The following ADAMTSL2 variants were observed in gnomAD, a reference collection of about 807,000 sequenced individuals.
The protein encoded by ADAMTSL2 is ADAMTS-like protein 2.
Under a neutral mutation model 117.0 loss-of-function variants are expected in ADAMTSL2, and 55 were observed. The observed-to-expected ratio is 0.47, with a 90% CI of 0.38 to 0.59. The LOEUF (loss-of-function observed/expected upper bound fraction) is 0.59. Among genes scored for constraint, ADAMTSL2 ranks in the 20% least tolerant of loss-of-function variants. The pLI, the probability that ADAMTSL2 is intolerant of heterozygous loss-of-function variation, is 0.00. For synonymous variants in ADAMTSL2, 572 were observed against 566.4 expected, an observed-to-expected ratio of 1.01 and a Z score of -0.14; for missense variants, 1,182 against 1,354.5, an observed-to-expected ratio of 0.87 and a Z score of 2.00.
Position 133,574,851 on chromosome 9 carries a change from C to T in ADAMTSL2, c.2843C>T (p.Pro948Leu), listed in dbSNP as rs1196078573. ...AAGGCGTGCTGCCGCTCCTGCAGGCCCCCCCACTCCTAGGCCCGGCAGCTG... is the reference window on the plus strand; with the variant it reads ...AAGGCGTGCTGCCGCTCCTGCAGGCTCCCCCACTCCTAGGCCCGGCAGCTG... Reference protein sequence around the residue: ...YSKACCRSCRPPHS With the variant: ...YSKACCRSCRLPHS The change falls in exon 19 of 19, where the codon CCC becomes CTC. Residue 948 changes from proline (P) to leucine (L), a missense_variant. By Grantham distance (98) the Pro-to-Leu change is moderately conservative. Around this residue, in one of 3 missense-constraint regions of ADAMTSL2, gnomAD observed 465 missense variants for 565.3 expected, o/e 0.82. Transcript: ENST00000651351. 5.0e-6 allele frequency: 8 copies of T among 1,592,878 alleles called. No homozygotes were observed. The highest frequency in any genetic ancestry group is 2.3e-5 in the East Asian group (1 of 43,566).
At chr9:133,570,572 C>G (rs1202151786) in intron 17 of ADAMTSL2, 65 bp downstream of exon 17, 1 of 1,538,474 alleles carries the variant, frequency 6.5e-7, no homozygotes, top group Non-Finnish European at 8.8e-7. Flanking sequence ...TCCCGCCCCT[C>G]CCGCCTCAAG....
At chr9:133,574,403 G>A (rs1440575567) in intron 18 of ADAMTSL2, among the ~76,000 whole-genome samples, 1 of 152,182 alleles carries the variant, frequency 6.6e-6, no homozygotes. Context: ...AGGGTGCCAG[G>A]TGCAGGGCAC....
Position 133,573,964 on chromosome 9 carries a change from A to G in ADAMTSL2, c.2714A>G (p.Gln905Arg), listed in dbSNP as rs1238074560. Residue 905 changes from glutamine (Q) to arginine (R), a missense_variant, in exon 18 of 19, where the codon CAG becomes CGG. Gln to Arg is a conservative substitution (Grantham distance 43). Coordinates refer to ENST00000651351, the MANE Select transcript of ADAMTSL2 (RefSeq NM_014694.4). ...GTTGGCAGACAGGCCTGTGATCTGC[A>G]GCCCTGCCCCACGGAGCCCCCAGGT... Reference protein sequence around the residue: ...KPVGRQACDLQPCPTEPPDDS... With the variant: ...KPVGRQACDLRPCPTEPPDDS... The G allele has an allele frequency of 6.2e-6, 10 of 1,613,660 alleles. No homozygotes were observed. The highest frequency in any genetic ancestry group is 7.6e-6 in the Non-Finnish European group (9 of 1,179,970).
rs551018472 is a variant in ADAMTSL2 at position 133,535,755 on chromosome 9, C to T, written c.-150-808C>T. Among the ~76,000 whole-genome samples, 30 of 152,232 alleles carry T rather than the reference C, an allele frequency of 2.0e-4. No homozygotes were observed. In the East Asian group the frequency reaches 4.3e-3, roughly 22 times the overall value. On this transcript the variant is annotated intron_variant, in intron 1 of 18. Transcript: ENST00000651351. ...GGTTTCTGAAATCCCTTCTCTAACT[C>T]GCTGGCAAGTGACCCTCAGCACCTG...
intron 11 of ADAMTSL2, among the ~76,000 whole-genome samples, chr9:133,559,853 C>T (rs1830687957): frequency 6.6e-6 from 1 of 152,168 alleles, no homozygotes; most frequent in African/African-American, 2.4e-5. Context: ...CCCTTCACTC[C>T]TCTTCTCCCT....
chr9:133,532,365 T>G (rs1829963436), upstream of ADAMTSL2: 1 of 152,170 alleles, frequency 6.6e-6, no homozygotes, highest in East Asian at 1.9e-4. Flanking sequence ...CCCAGCTAAT[T>G]TTTGTATTTT....
intron 9 of ADAMTSL2, among the ~76,000 whole-genome samples, chr9:133,552,349 C>G (rs1201066133): frequency 1.3e-5 from 2 of 152,160 alleles, no homozygotes; most frequent in African/African-American, 4.8e-5. Flanking sequence ...CTCTGCTCCT[C>G]TGGAAGACAG....
Position 133,574,946 on chromosome 9 carries a change from C to G in ADAMTSL2, c.*82C>G. On this transcript the variant is annotated 3_prime_UTR_variant, in exon 19 of 19. Transcript: ENST00000651351. ...GCAGCTTCTGGGGCCTCCACAGACC[C>G]CCCTCCTGCGGGGCACGCTGGCCTA... The G allele has an allele frequency of 8.9e-7, 1 of 1,127,316 alleles. No individual in the cohort carries two copies. The highest frequency in any genetic ancestry group is 1.3e-6 in the Non-Finnish European group (1 of 744,112). The allele number at this position is 1,127,316 out of a possible 1,614,324, so 69.8% of individuals were successfully genotyped here.
At chr9:133,547,453 A>G (rs370596696) in intron 9 of ADAMTSL2, among the ~76,000 whole-genome samples, 14 of 152,318 alleles carry the variant, frequency 9.2e-5, no homozygotes, top group African/African-American at 3.4e-4. Context: ...GTTCATTTCC[A>G]GTCTCCCATT....
At position 133,557,600 on chromosome 9, in the gene ADAMTSL2, C is replaced by T. The variant is rs971438873; in HGVS notation, c.1649+1670C>T. Among the ~76,000 whole-genome samples, 1 of 152,184 alleles carries T rather than the reference C, an allele frequency of 6.6e-6. No individual in the cohort carries two copies. Among genetic ancestry groups the T allele is most frequent in the African/African-American group, 2.4e-5 (1 of 41,436 alleles). Reference sequence around the variant, plus strand: ...CCCAGACAGTGCCTGCCTGTGGGAACGGCACTACTCAAGGCTGCCAGTCTG... The same window carrying T: ...CCCAGACAGTGCCTGCCTGTGGGAATGGCACTACTCAAGGCTGCCAGTCTG... On this transcript the variant is annotated intron_variant, in intron 11 of 18. Transcript: ENST00000651351. This position sits in a 1 kb window ranked among gnomAD's most constrained non-coding sequence, Gnocchi z 5.2.
chr9:133,574,704 C>T, intron 18 of ADAMTSL2, 42 bp from the exon 19 acceptor site: 3 of 1,579,634 alleles, frequency 1.9e-6, no homozygotes, highest in Non-Finnish European at 2.6e-6. Context: ...CCCTTGGCCA[C>T]CTCCTGAAAC....
rs1022037527 is a variant in ADAMTSL2 at position 133,536,840 on chromosome 9, C to A, written c.90+38C>A. 5.0e-6 allele frequency: 8 copies of A among 1,613,434 alleles called. No homozygotes were observed. In the African/African-American group the frequency reaches 8.0e-5, roughly 16 times the overall value. ...TTGTGGTCTGAGGGCCCATGCCAGT[C>A]CCCTACCCAGGTGCTGTGATCACTC... On this transcript the variant is annotated intron_variant, in intron 2 of 18. Coordinates refer to ENST00000651351, the MANE Select transcript of ADAMTSL2 (RefSeq NM_014694.4).
chr9:133,541,095 TG>T, intron 7 of ADAMTSL2, 94 bp downstream of exon 7: 61 of 1,531,126 alleles, frequency 4.0e-5, no homozygotes, highest in Non-Finnish European at 5.4e-5. Context: ...TGTGTACCAC[TG>T]GGCAAGTTCT....
chr9:133,535,667 C>T (rs1024934705), intron 1 of ADAMTSL2, among the ~76,000 whole-genome samples: 1 of 152,186 alleles, frequency 6.6e-6, no homozygotes, highest in African/African-American at 2.4e-5. Context: ...TGCTACCTTG[C>T]TGTGTGGCTT....
intron 3 of ADAMTSL2, among the ~76,000 whole-genome samples, chr9:133,537,855 G>T (rs1050748581): frequency 1.3e-5 from 2 of 152,258 alleles, no homozygotes; most frequent in Non-Finnish European, 2.9e-5. Flanking sequence ...GAAGACCTGA[G>T]TGAGGGTCTT....
intron 12 of ADAMTSL2, among the ~76,000 whole-genome samples, chr9:133,564,693 GGAGA>G (rs1181499763): frequency 2.9e-4 from 28 of 95,628 alleles, no homozygotes; most frequent in East Asian, 2.6e-3. Flanking sequence ...AGAGGGAGAG[GGAGA>G]GAGAGAGAAG....
chr9:133,540,898 G>A lies in ADAMTSL2; in HGVS notation c.579G>A (p.Val193=), dbSNP rs779683932. 6.6e-5 allele frequency: 106 copies of A among 1,613,432 alleles called. No individual in the cohort carries two copies. The Admixed American group carries it at 1.7e-3, about 27-fold the overall frequency. Residue 193 remains valine, a synonymous_variant, in exon 7 of 19, where the codon GTG becomes GTA. Transcript: ENST00000651351. ...GKCEPIGCDG[V]LFSTHTLDKC... is the part of the protein sequence containing the mutation. The stretch of plus-strand genomic sequence containing the variant: ...TGCAGCCCATCGGCTGTGACGGGGT[G>A]CTTTTCTCCACCCACACACTGGACA...
rs966076439 is a variant in ADAMTSL2, at chr9:133,559,222, G to A, written c.1650-1976G>A. 1.8e-3 allele frequency among the ~76,000 whole-genome samples: 280 copies of A among 152,338 alleles called. 1 individual carries two copies. The highest frequency in any genetic ancestry group is 6.3e-3 in the African/African-American group (264 of 41,580). ...TAAGGACTGGTCTTCCGGGTTCTCC[G>A]TTCCCTGAAAGGACTTACTTATCCT... On this transcript the variant is annotated intron_variant, in intron 11 of 18. Coordinates refer to ENST00000651351, the MANE Select transcript of ADAMTSL2 (RefSeq NM_014694.4).
rs1304947355 is a variant in ADAMTSL2 at position 133,558,357 on chromosome 9, G to A, written c.1649+2427G>A. Among the ~76,000 whole-genome samples, 1 of 152,206 alleles carries A rather than the reference G, an allele frequency of 6.6e-6. No individual in the cohort carries two copies. Among genetic ancestry groups the A allele is most frequent in the Admixed American group, 6.5e-5 (1 of 15,278 alleles). ...GTCTCGGCCGAGTTGTCCAAACACA[G>A]GAAGTCGTGTCTGCTCAGAGAAGGC... is the stretch of plus-strand genomic sequence containing the variant. On this transcript the variant is annotated intron_variant, in intron 11 of 18. Coordinates refer to ENST00000651351, the MANE Select transcript of ADAMTSL2 (RefSeq NM_014694.4). The surrounding 1 kb of genome is among the most constrained non-coding windows in gnomAD (Gnocchi z 4.3).
Sources: allele counts gnomAD v4.1 joint callset (sites outside exome capture counted in the v4.1 genomes callset), GRCh38; gene constraint gnomAD v4.1.1; regional missense constraint gnomAD v4.1.1; non-coding constraint Gnocchi (gnomAD v3.1); transcripts MANE v1.5; gene names NCBI Gene and HGNC (gene_info 2026-07-23, HGNC 2026-07-21).